CYREN: variants seen among roughly 807,000 people sequenced by gnomAD.
CYREN encodes cell cycle regulator of non-homologous end joining.
A neutral mutation model predicts 9.7 loss-of-function variants in CYREN; 7 were observed. The observed-to-expected ratio is 0.72, with a 90% CI of 0.41 to 1.36. The LOEUF is 1.36. CYREN is among the 40% of genes most tolerant of loss of function. The pLI, the probability that CYREN is intolerant of heterozygous loss-of-function variation, is 0.01. For missense variants in CYREN, 215 were observed against 198.1 expected (o/e 1.09, Z -0.51); for synonymous variants, 76 against 77.9 (o/e 0.98, Z 0.13).
intron 2 of CYREN, among the ~76,000 whole-genome samples, chr7:135,149,456 C>T (rs752922634): frequency 3.3e-5 from 5 of 152,194 alleles, no homozygotes; most frequent in Admixed American, 6.5e-5. Context: ...AGCTGCTTCC[C>T]ATTTTGTGCC....
chr7:135,170,302 C>G (rs897042158), intron 1 of CYREN: 2 of 152,350 alleles, frequency 1.3e-5, no homozygotes, highest in African/African-American at 4.8e-5. Context: ...CCGCTCCCTG[C>G]CTGGGCAGAA....
exon 3 of CYREN, chr7:135,093,342 C>A (rs1004614955): frequency 6.6e-6 from 1 of 151,940 alleles, no homozygotes; most frequent in African/African-American, 2.4e-5. Context: ...TAAATGAGTT[C>A]AACAAGGTTG....
At chr7:135,172,421 C>G (rs139523072), upstream of CYREN, among the ~76,000 whole-genome samples, 208 of 135,984 alleles carry the variant, frequency 1.5e-3, 1 homozygote, top group African/African-American at 5.4e-3. Context: ...CCCTCTTTAC[C>G]TGTTCTTTGT....
At chr7:135,155,086 T>G (rs1052863257) in intron 2 of CYREN, among the ~76,000 whole-genome samples, 1 of 152,268 alleles carries the variant, frequency 6.6e-6, no homozygotes, top group Non-Finnish European at 1.5e-5. Context: ...CATTATACAA[T>G]GACCTTATCT....
intron 2 of CYREN, among the ~76,000 whole-genome samples, chr7:135,137,914 T>G (rs1401145474): frequency 1.3e-5 from 2 of 152,036 alleles, no homozygotes; most frequent in Admixed American, 1.3e-4. Flanking sequence ...ACGTCTCTTC[T>G]TATGATCACT....
chr7:135,113,764 C>T (rs992883312), intron 2 of CYREN, among the ~76,000 whole-genome samples: 1 of 152,128 alleles, frequency 6.6e-6, no homozygotes, highest in African/African-American at 2.4e-5. Flanking sequence ...TCCAGAACTC[C>T]TTTTTCTCTT....
At chr7:135,169,115 G>C (rs1467710555) in intron 1 of CYREN, 55 bp from the exon 2 acceptor site, 2 of 583,528 alleles carry the variant, frequency 3.4e-6, no homozygotes, top group Non-Finnish European at 5.9e-6. Context: ...ATCAGGCACA[G>C]TTACTGGTCG....
intron 2 of CYREN, among the ~76,000 whole-genome samples, chr7:135,140,522 T>C (rs1438507914): frequency 1.3e-5 from 2 of 152,146 alleles, no homozygotes; most frequent in South Asian, 2.1e-4. Flanking sequence ...ATAGTTTGAC[T>C]TCATCTCTTT....
chr7:135,099,882 CTTT>C (rs34324217), intron 2 of CYREN: 269 of 62,662 alleles, frequency 4.3e-3, no homozygotes, highest in African/African-American at 0.016. Context: ...CTGAGTTTCT[CTTT>C]TTTTTTTTTT....
intron 2 of CYREN, among the ~76,000 whole-genome samples, chr7:135,131,231 C>T (rs1828713529): frequency 6.6e-6 from 1 of 152,068 alleles, no homozygotes; most frequent in African/African-American, 2.4e-5. Context: ...CCAAACACCA[C>T]ATGTTTTCAC....
intron 2 of CYREN, among the ~76,000 whole-genome samples, chr7:135,116,819 C>G (rs574742753): frequency 6.6e-6 from 1 of 152,288 alleles, no homozygotes; most frequent in South Asian, 2.1e-4. Flanking sequence ...CTAACATTTT[C>G]TATATCAGTA....
intron 2 of CYREN, among the ~76,000 whole-genome samples, chr7:135,145,376 A>G (rs528012938): frequency 2.0e-5 from 3 of 152,288 alleles, no homozygotes; most frequent in African/African-American, 7.2e-5. Flanking sequence ...AAATGGAGAA[A>G]GAGAAATGCC....
upstream of CYREN, chr7:135,170,878 G>A (rs1237300568): frequency 1.3e-5 from 2 of 152,228 alleles, no homozygotes; most frequent in African/African-American, 4.8e-5. Context: ...CATGCTGGCA[G>A]TGGTAATGCC....
chr7:135,099,755 G>A (rs1823482199), intron 2 of CYREN, among the ~76,000 whole-genome samples: 1 of 151,988 alleles, frequency 6.6e-6, no homozygotes, highest in East Asian at 1.9e-4. Context: ...TATACACAGT[G>A]CCCCACAAGA....
chr7:135,097,804 G>A (rs1010789242), intron 2 of CYREN, among the ~76,000 whole-genome samples: 5 of 151,906 alleles, frequency 3.3e-5, no homozygotes, highest in African/African-American at 1.2e-4. Context: ...AGACGTGTAT[G>A]GTAAAAAATG....
intron 2 of CYREN, chr7:135,115,905 CA>C (rs1270218001): frequency 4.5e-5 from 12 of 266,328 alleles, no homozygotes; most frequent in Middle Eastern, 1.2e-3. Context: ...TGAAAATTAT[CA>C]GCTGTTTTAA....
At chr7:135,142,999 C>T (rs940156652) in intron 2 of CYREN, among the ~76,000 whole-genome samples, 2 of 152,056 alleles carry the variant, frequency 1.3e-5, no homozygotes, top group African/African-American at 4.8e-5. Flanking sequence ...CCCAGAATAG[C>T]CAACACAGTA....
intron 2 of CYREN, among the ~76,000 whole-genome samples, chr7:135,117,770 G>A (rs946666630): frequency 7.2e-5 from 11 of 152,128 alleles, no homozygotes; most frequent in Admixed American, 3.9e-4. Flanking sequence ...ACTTTTGGGG[G>A]TGTCTACCTC....
intron 2 of CYREN, among the ~76,000 whole-genome samples, chr7:135,144,625 T>C (rs1829509211): frequency 6.6e-6 from 1 of 151,402 alleles, no homozygotes; most frequent in South Asian, 2.1e-4. Context: ...AGATAAAGAA[T>C]AAGAAAGAGG....
Sources: gnomAD v4.1 joint callset for allele counts (sites outside exome capture counted in the v4.1 genomes callset) on GRCh38, gnomAD v4.1.1 for gene constraint, MANE v1.5 for transcripts, NCBI Gene and HGNC (gene_info 2026-07-23, HGNC 2026-07-21) for gene names.